RORA: variants seen among roughly 807,000 people sequenced by gnomAD.
RORA encodes the protein RAR related orphan receptor A.
RORA carries 7 observed loss-of-function variants against 69.5 expected under a neutral mutation model. The ratio of observed to expected loss-of-function variants is 0.10; its 90% confidence interval spans 0.06 to 0.19. RORA has a LOEUF of 0.19. Among genes scored for constraint, RORA ranks in the 10% least tolerant of loss-of-function variants. The pLI, the probability that RORA is intolerant of heterozygous loss-of-function variation, is 1.00. For missense variants in RORA, 457 were observed against 663.0 expected (o/e 0.69, Z 3.41); for synonymous variants, 261 against 240.8 (o/e 1.08, Z -0.78).
intron 2 of RORA, among the ~76,000 whole-genome samples, chr15:60,655,286 C>G (rs2070203591): frequency 1.3e-5 from 2 of 152,008 alleles, no homozygotes; most frequent in South Asian, 4.1e-4. Flanking sequence ...TCCTTTAAGG[C>G]TCAGAAGGGT....
chr15:61,099,084 C>G (rs1595984751), intron 1 of RORA, among the ~76,000 whole-genome samples: 1 of 152,258 alleles, frequency 6.6e-6, no homozygotes, highest in Non-Finnish European at 1.5e-5. Flanking sequence ...GAGTAATTAG[C>G]TGAAATATCT....
chr15:60,918,985 A>G (rs1891958344), intron 1 of RORA, among the ~76,000 whole-genome samples: 1 of 152,190 alleles, frequency 6.6e-6, no homozygotes, highest in African/African-American at 2.4e-5. Context: ...GACCAAGAGA[A>G]TATAAGGAAG....
At chr15:60,847,378 T>C (rs1023771142) in intron 1 of RORA, among the ~76,000 whole-genome samples, 1 of 151,882 alleles carries the variant, frequency 6.6e-6, no homozygotes. Flanking sequence ...AGAGGACACA[T>C]CCTTTCTAGA....
At chr15:60,603,879 A>C (rs763200723) in intron 2 of RORA, among the ~76,000 whole-genome samples, 5 of 152,198 alleles carry the variant, frequency 3.3e-5, no homozygotes, top group Non-Finnish European at 7.3e-5. Flanking sequence ...TCACGCCTGT[A>C]ATCCCAGCAC....
At chr15:61,086,901 G>A (rs902422519) in intron 1 of RORA, among the ~76,000 whole-genome samples, 4 of 152,124 alleles carry the variant, frequency 2.6e-5, no homozygotes, top group Admixed American at 6.5e-5. Flanking sequence ...GGCAGGGTGC[G>A]GTGGTTCACG....
At chr15:60,710,418 G>A (rs1435432397) in intron 1 of RORA, among the ~76,000 whole-genome samples, 1 of 152,130 alleles carries the variant, frequency 6.6e-6, no homozygotes, top group Non-Finnish European at 1.5e-5. Flanking sequence ...AACCCGAGAG[G>A]CGGAGGTTGC....
chr15:60,663,872 G>A (rs1276443045), intron 2 of RORA, among the ~76,000 whole-genome samples: 4 of 152,222 alleles, frequency 2.6e-5, no homozygotes, highest in Admixed American at 2.6e-4. Flanking sequence ...CTACATTTCA[G>A]TGGCATAATT....
intron 2 of RORA, among the ~76,000 whole-genome samples, chr15:60,556,693 C>A (rs191272656): frequency 6.6e-6 from 1 of 152,260 alleles, no homozygotes; most frequent in South Asian, 2.1e-4. Context: ...CTATTGGCCA[C>A]GAAAGAGATC....
At position 61,052,471 on chromosome 15, in the gene RORA, T is replaced by C. The variant is rs181586242; in HGVS notation, c.166+176582A>G. ...TGGTTCTAGTATCGTACGATGCTGA[T>C]ACAAGTAAGCTATGGCTATGTGTTT... On this transcript the variant is annotated intron_variant, in intron 1 of 10. Transcript: ENST00000335670. Among the ~76,000 whole-genome samples, 166 of 152,306 alleles carry C rather than the reference T, an allele frequency of 1.1e-3. 1 individual carries two copies. In the Middle Eastern group the frequency reaches 0.014, roughly 12 times the overall value.
intron 1 of RORA, among the ~76,000 whole-genome samples, chr15:60,718,162 T>A (rs751242698): frequency 5.9e-5 from 9 of 152,202 alleles, no homozygotes; most frequent in Non-Finnish European, 8.8e-5. Context: ...GTTGGCATAA[T>A]AAAATTAGTT....
At chr15:61,001,999 T>G (rs921025691) in intron 1 of RORA, among the ~76,000 whole-genome samples, 12 of 152,186 alleles carry the variant, frequency 7.9e-5, no homozygotes, top group Non-Finnish European at 1.8e-4. Context: ...GGGGCAGCCA[T>G]GAACAGGCAG....
At position 61,131,884 on chromosome 15, in the gene RORA, T is replaced by C. The variant is rs1030401683; in HGVS notation, c.166+97169A>G. Among the ~76,000 whole-genome samples, 1 of 152,168 alleles carries C rather than the reference T, an allele frequency of 6.6e-6. No homozygotes were observed. Among genetic ancestry groups the C allele is most frequent in the African/African-American group, 2.4e-5 (1 of 41,432 alleles). ...TTGGTAAAATTTCATACTTGGCAAA[T>C]AGGAAAAACTTCACTTGGAAAAAAC... On this transcript the variant is annotated intron_variant, in intron 1 of 10. Coordinates refer to ENST00000335670, the MANE Select transcript of RORA (RefSeq NM_134261.3). The surrounding 1 kb of genome is among the most constrained non-coding windows in gnomAD (Gnocchi z 4.2).
intron 1 of RORA, among the ~76,000 whole-genome samples, chr15:60,888,992 T>C (rs895307589): frequency 2.6e-5 from 4 of 152,196 alleles, no homozygotes; most frequent in Non-Finnish European, 5.9e-5. Flanking sequence ...AGAAAGCCAC[T>C]GGGATCAGAA....
At chr15:60,617,520 C>G (rs1393284522) in intron 2 of RORA, among the ~76,000 whole-genome samples, 1 of 152,090 alleles carries the variant, frequency 6.6e-6, no homozygotes, top group Non-Finnish European at 1.5e-5. Context: ...GGAGGGACTG[C>G]CTGCAGAACT....
At chr15:60,710,727 A>T (rs2071131132) in intron 1 of RORA, among the ~76,000 whole-genome samples, 1 of 152,114 alleles carries the variant, frequency 6.6e-6, no homozygotes, top group African/African-American at 2.4e-5. Flanking sequence ...CTTCCTGAGC[A>T]GTGGGATGAT....
intron 2 of RORA, among the ~76,000 whole-genome samples, chr15:60,644,543 C>T (rs923371051): frequency 3.3e-5 from 5 of 152,190 alleles, no homozygotes; most frequent in African/African-American, 1.2e-4. Context: ...TTTAAAACGG[C>T]AAAGTATTAA....
At chr15:60,932,079 C>A (rs1450446651) in intron 1 of RORA, among the ~76,000 whole-genome samples, 1 of 151,710 alleles carries the variant, frequency 6.6e-6, no homozygotes, top group Non-Finnish European at 1.5e-5. Context: ...AGATGGGCAA[C>A]TTCTATTTGG....
chr15:60,866,855 C>CTATCTAT (rs55912042), intron 1 of RORA, among the ~76,000 whole-genome samples: 27,825 of 89,760 alleles, frequency 0.31, 2,721 homozygotes, highest in South Asian at 0.35. Flanking sequence ...TATCTATCTA[C>CTATCTAT]CTACCTACCT....
intron 1 of RORA, among the ~76,000 whole-genome samples, chr15:60,833,651 T>A (rs538670039): frequency 1.8e-4 from 28 of 152,362 alleles, no homozygotes; most frequent in African/African-American, 6.7e-4. Flanking sequence ...TTTGTTACCA[T>A]GATTTCATCC....
Sources: allele counts gnomAD v4.1 joint callset (sites outside exome capture counted in the v4.1 genomes callset), GRCh38; gene constraint gnomAD v4.1.1; non-coding constraint Gnocchi (gnomAD v3.1); transcripts MANE v1.5; gene names NCBI Gene and HGNC (gene_info 2026-07-23, HGNC 2026-07-21).